AKNA: variants seen among roughly 807,000 people sequenced by gnomAD.
AKNA encodes AT-hook transcription factor.
AKNA carries 67 observed loss-of-function variants against 138.8 expected under a neutral mutation model. The ratio of observed to expected loss-of-function variants is 0.48; its 90% CI spans 0.40 to 0.59. The LOEUF (loss-of-function observed/expected upper bound fraction) is 0.59, where lower values mean the gene tolerates loss of function less well. AKNA is among the 20% of genes least tolerant of loss of function. The pLI is 0.00. For synonymous variants in AKNA, 737 were observed against 754.4 expected (o/e 0.98, Z 0.38); for missense variants, 1,813 against 1,880.4 (o/e 0.96, Z 0.66).
chr9:114,396,477 G>A (rs544530953), upstream of AKNA, among the ~76,000 whole-genome samples: 1 of 152,122 alleles, frequency 6.6e-6, no homozygotes, highest in East Asian at 1.9e-4. Context: ...TCAGGAAATC[G>A]AGACCATCCC....
At chr9:114,369,680 G>GCAT (rs749420580) in intron 4 of AKNA, among the ~76,000 whole-genome samples, 1 of 142,052 alleles carries the variant, frequency 7.0e-6, no homozygotes, top group African/African-American at 3.1e-5. Context: ...ATCACCATCA[G>GCAT]CATCACCATC....
intron 1 of AKNA, among the ~76,000 whole-genome samples, chr9:114,386,614 C>T (rs1216609965): frequency 6.6e-6 from 1 of 152,084 alleles, no homozygotes; most frequent in African/African-American, 2.4e-5. Context: ...AGAAACTGGC[C>T]CCACAAGGAA....
At chr9:114,375,083 C>A (rs144023644) in intron 3 of AKNA, among the ~76,000 whole-genome samples, 1 of 152,204 alleles carries the variant, frequency 6.6e-6, no homozygotes. Context: ...GAGGCACTCA[C>A]GTGCTCTTGC....
chr9:114,393,378 G>C (rs934925125), intron 1 of AKNA, among the ~76,000 whole-genome samples: 1 of 142,856 alleles, frequency 7.0e-6, no homozygotes, highest in African/African-American at 2.5e-5. Flanking sequence ...ACCACGCCCA[G>C]CTAATTTTTT....
chr9:114,330,588 C>A, downstream of AKNA: 3 of 1,612,252 alleles, frequency 1.9e-6, no homozygotes, highest in South Asian at 1.1e-5. Flanking sequence ...TGAGAGCCCC[C>A]ATTCCAATGC....
chr9:114,365,906 T>C (rs1832312265), intron 6 of AKNA, among the ~76,000 whole-genome samples: 1 of 152,222 alleles, frequency 6.6e-6, no homozygotes, highest in Non-Finnish European at 1.5e-5. Context: ...CCCCAGCTCC[T>C]GCTCAGTGTG....
chr9:114,391,217 T>C (rs1192001686), upstream of AKNA, among the ~76,000 whole-genome samples: 1 of 152,218 alleles, frequency 6.6e-6, no homozygotes, highest in Admixed American at 6.5e-5. Flanking sequence ...CACAAAGACC[T>C]GGCTTCTAAT....
chr9:114,396,168 G>C (rs574113818), upstream of AKNA, among the ~76,000 whole-genome samples: 1 of 152,296 alleles, frequency 6.6e-6, no homozygotes, highest in South Asian at 2.1e-4. Flanking sequence ...ACAGATAAGA[G>C]CTCCTGCCCT....
rs767980115 is a variant in AKNA, at chr9:114,376,807, G to T, written c.1000C>A (p.Gln334Lys). Residue 334 changes from glutamine to lysine, a missense_variant, in exon 3 of 22, where the codon CAG (glutamine) becomes AAG (lysine). Coordinates refer to ENST00000374088, the MANE Select transcript of AKNA (RefSeq NM_001317950.2). Reference sequence around the variant, plus strand: ...GAGCGGCCAGCCAGAGTGGCTCCCTGTCTGGGCAGCGGCCTGCCCTGCCGC... The same window carrying T: ...GAGCGGCCAGCCAGAGTGGCTCCCTTTCTGGGCAGCGGCCTGCCCTGCCGC... ...PTRQGRPLPR[Q>K]GATLAGRSSS... 1.2e-6 allele frequency: 2 copies of T among 1,612,188 alleles called. No homozygotes were observed. The highest frequency in any genetic ancestry group is 4.5e-5 in the East Asian group (2 of 44,848).
At chr9:114,371,185 C>T (rs1031607588) in intron 4 of AKNA, among the ~76,000 whole-genome samples, 2 of 152,224 alleles carry the variant, frequency 1.3e-5, no homozygotes, top group African/African-American at 4.8e-5. Context: ...CCAGACCCAT[C>T]GGTGTTCCTG....
intron 11 of AKNA, chr9:114,359,073 C>CT (rs11296673): frequency 0.033 from 4,774 of 146,018 alleles, 226 homozygotes; most frequent in African/African-American, 0.11. Context: ...ATTCTTTTTT[C>CT]TTTTTTTTTT....
Position 114,382,994 on chromosome 9 carries a change from TC to T in AKNA, c.-113-1549del, listed in dbSNP as rs370147156. Among the ~76,000 whole-genome samples the T allele has an allele frequency of 1.1e-3, 163 of 152,306 alleles. 5 individuals carry two copies. The South Asian group carries it at 0.032, about 30-fold the overall frequency. The stretch of plus-strand genomic sequence containing the variant: ...AGTTTTATGTTATGTGAATTTCACC[TC>T]AATTTAAAGAAAACGCCTTCCGAGT... On this transcript the variant is annotated intron_variant, in intron 1 of 21. Coordinates refer to ENST00000374088, the MANE Select transcript of AKNA (RefSeq NM_001317950.2).
chr9:114,392,980 C>G (rs1382335881), upstream of AKNA, among the ~76,000 whole-genome samples: 2 of 152,162 alleles, frequency 1.3e-5, no homozygotes, highest in Non-Finnish European at 2.9e-5. Context: ...CAAATTCATG[C>G]TCTTTTCAAA....
At chr9:114,341,029 A>G (rs1830306565) in intron 21 of AKNA, among the ~76,000 whole-genome samples, 1 of 152,204 alleles carries the variant, frequency 6.6e-6, no homozygotes, top group Non-Finnish European at 1.5e-5. Context: ...TAACGTGGCC[A>G]ATGTGCCACA....
At chr9:114,380,981 C>CAGAAAAAAAAAAACAAAA (rs1346229782) in intron 2 of AKNA, 79 bp downstream of exon 2, 1 of 949,986 alleles carries the variant, frequency 1.1e-6, no homozygotes, top group African/African-American at 3.1e-5. Context: ...GACTCTGTCT[C>CAGAAAAAAAAAAACAAAA]AAAAAAAAAA....
upstream of AKNA, among the ~76,000 whole-genome samples, chr9:114,396,477 G>C (rs544530953): frequency 6.6e-6 from 1 of 152,004 alleles, no homozygotes; most frequent in Non-Finnish European, 1.5e-5. Flanking sequence ...TCAGGAAATC[G>C]AGACCATCCC....
At chr9:114,388,009 C>A (rs1340669041), upstream of AKNA, 2 of 357,224 alleles carry the variant, frequency 5.6e-6, no homozygotes, top group African/African-American at 4.2e-5. Flanking sequence ...GCTCACAGAC[C>A]AGCATCGCTC....
chr9:114,368,231 CAGG>C (rs1832512661), intron 5 of AKNA: 11 of 478,380 alleles, frequency 2.3e-5, no homozygotes, highest in Non-Finnish European at 3.0e-5. Flanking sequence ...GTGGCAGGGC[CAGG>C]GCTGCCCCCA....
At chr9:114,397,542 C>G (rs531556632), upstream of AKNA, among the ~76,000 whole-genome samples, 1 of 152,292 alleles carries the variant, frequency 6.6e-6, no homozygotes, top group South Asian at 2.1e-4. Flanking sequence ...AGAAGCAGGT[C>G]TTTAAACATA....
Sources: gnomAD v4.1 joint callset for allele counts (sites outside exome capture counted in the v4.1 genomes callset) on GRCh38, gnomAD v4.1.1 for gene constraint, MANE v1.5 for transcripts, NCBI Gene and HGNC (gene_info 2026-07-23, HGNC 2026-07-21) for gene names.